Variants in RELN observed in about 807,000 individuals in gnomAD.
The protein encoded by RELN is reelin.
In RELN, 108 loss-of-function variants were observed where a neutral mutation model predicts 427.6. That is an observed-to-expected ratio of 0.25 (90% CI 0.22 to 0.30). The LOEUF is 0.30. Among genes scored for constraint, RELN ranks in the 10% least tolerant of loss-of-function variants. The pLI is 1.00. For missense variants in RELN, 3,715 were observed against 4,302.8 expected, an observed-to-expected ratio of 0.86 and a Z score of 3.82; for synonymous variants, 1,524 against 1,513.4, an observed-to-expected ratio of 1.01 and a Z score of -0.16.
intron 36 of RELN, among the ~76,000 whole-genome samples, chr7:103,559,544 T>C (rs531294761): frequency 6.6e-6 from 1 of 152,010 alleles, no homozygotes; most frequent in Non-Finnish European, 1.5e-5. Flanking sequence ...CTTTACCCTC[T>C]TCCTTATACA....
intron 46 of RELN, among the ~76,000 whole-genome samples, chr7:103,526,341 T>C (rs1311445394): frequency 6.6e-6 from 1 of 152,128 alleles, no homozygotes; most frequent in Non-Finnish European, 1.5e-5. Context: ...ACATGAAAAA[T>C]GTACTAACAT....
rs760704088 is a variant in RELN at position 103,917,081 on chromosome 7, C to T, written c.331G>A (p.Gly111Arg). 12 of 1,612,240 alleles carry T rather than the reference C, an allele frequency of 7.4e-6. No individual in the cohort carries two copies. Among genetic ancestry groups the T allele is most frequent in the South Asian group, 2.2e-5 (2 of 91,018 alleles). ...GTTTGTGAGAATAGCTTACCAAATC[C>T]GAAAGCACTGGAACCTCCAATGCTC... ...SQSIGGSSAF[G>R]FGIMSDHQFG... Residue 111 changes from glycine (G) to arginine (R), a missense_variant, in exon 2 of 65, where the codon GGA becomes AGA. Coordinates refer to ENST00000428762, the MANE Select transcript of RELN (RefSeq NM_005045.4).
chr7:103,514,656 T>C (rs1829514350), intron 50 of RELN, among the ~76,000 whole-genome samples: 1 of 148,590 alleles, frequency 6.7e-6, no homozygotes, highest in Non-Finnish European at 1.5e-5. Flanking sequence ...TGAAACTGAC[T>C]TAAAAAAAAG....
intron 6 of RELN, among the ~76,000 whole-genome samples, chr7:103,744,200 G>A (rs1208227941): frequency 3.3e-5 from 5 of 152,142 alleles, no homozygotes; most frequent in Non-Finnish European, 7.3e-5. Context: ...AAATAAAGAT[G>A]TTCTTTGAAA....
chr7:103,722,883 T>C (rs965267552), intron 8 of RELN, among the ~76,000 whole-genome samples: 3 of 152,216 alleles, frequency 2.0e-5, no homozygotes, highest in South Asian at 2.1e-4. Flanking sequence ...GCAAAATACA[T>C]ATGTAAATCA....
At chr7:103,605,651 T>C (rs911759699) in intron 22 of RELN, among the ~76,000 whole-genome samples, 11 of 152,234 alleles carry the variant, frequency 7.2e-5, no homozygotes, top group Non-Finnish European at 1.3e-4. Flanking sequence ...AATTACTGTG[T>C]ATGCTCAGTT....
At chr7:103,934,533 A>C (rs1354315098) in intron 1 of RELN, among the ~76,000 whole-genome samples, 1 of 152,198 alleles carries the variant, frequency 6.6e-6, no homozygotes, top group East Asian at 1.9e-4. Context: ...CCAGCCTCAG[A>C]ATCACAACTT....
chr7:103,659,221 T>C (rs1584384262), intron 12 of RELN, among the ~76,000 whole-genome samples: 1 of 152,160 alleles, frequency 6.6e-6, no homozygotes, highest in Middle Eastern at 3.4e-3. Flanking sequence ...CTAGCAACCC[T>C]GCCCTAACTG....
At chr7:103,505,228 G>A (rs118168477) in intron 51 of RELN, among the ~76,000 whole-genome samples, 5,300 of 152,282 alleles carry the variant, frequency 0.035, 139 homozygotes, top group African/African-American at 0.076. Flanking sequence ...TAAGGGACAG[G>A]CTGCCTCCTC....
In RELN at chr7:103,519,526, A is replaced by G; in HGVS notation, c.7669-10T>C. 1 of 1,594,686 alleles carries G rather than the reference A, an allele frequency of 6.3e-7. No homozygotes were observed. Among genetic ancestry groups the G allele is most frequent in the Non-Finnish European group, 8.6e-7 (1 of 1,162,532 alleles). ...ATAATCGACTACAACCCTAAGAAAA[A>G]GAAGTAAAATAAAAAAAAGTGATAA... On this transcript the variant is annotated splice_polypyrimidine_tract_variant and intron_variant, in intron 48 of 64. Coordinates refer to ENST00000428762, the MANE Select transcript of RELN (RefSeq NM_005045.4).
intron 1 of RELN, among the ~76,000 whole-genome samples, chr7:103,955,617 G>C (rs1185822286): frequency 3.9e-5 from 6 of 152,164 alleles, no homozygotes; most frequent in Non-Finnish European, 8.8e-5. Context: ...ACTCCTATTA[G>C]ATGTAGGATA....
In RELN at chr7:103,535,481, A is replaced by G. The variant is rs989960312; in HGVS notation, c.7184T>C (p.Ile2395Thr). The part of the protein sequence containing the change: ...SCSVTDSCYA[I>T]ELEYSVDLGL... ...AAGATCTACTGAGTATTCCAATTCA[A>G]TCGCTGAAACAGGAAACATTATTTT... Residue 2395 changes from isoleucine to threonine, a missense_variant, in exon 46 of 65, where the codon ATT (isoleucine) becomes ACT (threonine). By Grantham distance (89) the Ile-to-Thr change is moderately conservative (BLOSUM62 -1). Coordinates refer to ENST00000428762, the MANE Select transcript of RELN (RefSeq NM_005045.4). 34 of 1,613,862 alleles carry G rather than the reference A, an allele frequency of 2.1e-5. No homozygotes were observed. Among genetic ancestry groups the G allele is most frequent in the Non-Finnish European group, 2.6e-5 (31 of 1,179,756 alleles).
intron 10 of RELN, among the ~76,000 whole-genome samples, chr7:103,696,256 GA>G (rs1416454564): frequency 1.3e-5 from 2 of 152,062 alleles, no homozygotes; most frequent in African/African-American, 4.8e-5. Context: ...AACTTGAGGG[GA>G]TACAGTTGAG....
intron 42 of RELN, 39 bp downstream of exon 42, chr7:103,545,085 C>A (rs768713914): frequency 6.6e-7 from 1 of 1,524,336 alleles, no homozygotes; most frequent in Non-Finnish European, 9.1e-7. Context: ...CATATAAGTT[C>A]TTTCACAAGA....
intron 4 of RELN, among the ~76,000 whole-genome samples, chr7:103,764,560 AGGCATGGT>A (rs1791382203): frequency 6.6e-6 from 1 of 152,198 alleles, no homozygotes; most frequent in East Asian, 1.9e-4. Flanking sequence ...AAAGAAGGCC[AGGCATGGT>A]GGCTCATGCC....
At position 103,483,750 on chromosome 7, in the gene RELN, G is replaced by C. The variant is rs1451874014; in HGVS notation, c.10084C>G (p.Gln3362Glu). The change falls in exon 62 of 65, where the codon CAA (glutamine) becomes GAA (glutamate). Residue 3362 changes from glutamine to glutamate, a missense_variant. Physicochemically the swap from Gln to Glu is conservative, Grantham distance 29. Transcript: ENST00000428762. ...PHAVDKAVLL[Q>E]YSVNNGITWH... Reference sequence around the variant, plus strand: ...GTGATCCCGTTGTTGACGCTGTATTGCAGCAGCACTGCCTTGTCCACAGCG... The same window carrying C: ...GTGATCCCGTTGTTGACGCTGTATTCCAGCAGCACTGCCTTGTCCACAGCG... The C allele has an allele frequency of 6.2e-7, 1 of 1,614,120 alleles. No individual in the cohort carries two copies. Among genetic ancestry groups the C allele is most frequent in the South Asian group, 1.1e-5 (1 of 91,080 alleles).
At chr7:103,762,968 A>G (rs1229864945) in intron 4 of RELN, among the ~76,000 whole-genome samples, 2 of 152,196 alleles carry the variant, frequency 1.3e-5, no homozygotes, top group African/African-American at 4.8e-5. Flanking sequence ...CAGGACTTCA[A>G]TTTGGTTCTC....
chr7:103,797,244 A>G (rs1235827517), intron 3 of RELN, among the ~76,000 whole-genome samples: 1 of 152,126 alleles, frequency 6.6e-6, no homozygotes, highest in Non-Finnish European at 1.5e-5. Flanking sequence ...CTGGGATTAC[A>G]GGCACCCACC....
intron 3 of RELN, among the ~76,000 whole-genome samples, chr7:103,777,260 C>T (rs1791768164): frequency 6.6e-6 from 1 of 152,018 alleles, no homozygotes; most frequent in South Asian, 2.1e-4. Flanking sequence ...ATGTGTTATT[C>T]AATGGCTATA....
Sources: gnomAD v4.1 joint callset for allele counts (sites outside exome capture counted in the v4.1 genomes callset) on GRCh38, gnomAD v4.1.1 for gene constraint, MANE v1.5 for transcripts, NCBI Gene and HGNC (gene_info 2026-07-23, HGNC 2026-07-21) for gene names.